The following IMPG2 variants were observed in gnomAD, a reference collection of about 807,000 sequenced individuals.
IMPG2 encodes interphotoreceptor matrix proteoglycan 2.
IMPG2 carries 91 observed loss-of-function variants against 129.2 expected under a neutral mutation model. The observed-to-expected ratio is 0.70, with a 90% confidence interval of 0.59 to 0.84. The LOEUF is 0.84. IMPG2 is among the 40% of genes least tolerant of loss of function. The pLI is 0.00. For missense variants in IMPG2, 1,430 were observed against 1,461.7 expected, an observed-to-expected ratio of 0.98 and a Z score of 0.35; for synonymous variants, 510 against 517.7, an observed-to-expected ratio of 0.99 and a Z score of 0.20.
intron 9 of IMPG2, among the ~76,000 whole-genome samples, chr3:101,259,652 A>C (rs1247750817): frequency 6.6e-6 from 1 of 151,836 alleles, no homozygotes; most frequent in African/African-American, 2.4e-5. Context: ...GGAAAGTATC[A>C]ACATAATAAG....
At position 101,304,264 on chromosome 3, in the gene IMPG2, A is replaced by C; in HGVS notation, c.383T>G (p.Leu128Arg). 6.2e-7 allele frequency: 1 copy of C among 1,613,952 alleles called. No individual in the cohort carries two copies. Among genetic ancestry groups the C allele is most frequent in the South Asian group, 1.1e-5 (1 of 91,080 alleles). ...WEAFRTFWDR[L>R]PGREEYHYWM... ...GTAATGATATTCCTCACGCCCAGGA[A>C]GTCGATCCCAAAAAGTCCTGAAGGC... The change falls in exon 3 of 19, where the codon CTT becomes CGT. Residue 128 changes from leucine to arginine, a missense_variant. Transcript: ENST00000193391.
chr3:101,308,055 C>A (rs1460548224), intron 2 of IMPG2, among the ~76,000 whole-genome samples: 3 of 152,366 alleles, frequency 2.0e-5, no homozygotes, highest in African/African-American at 7.2e-5. Flanking sequence ...ACATCCATGT[C>A]ACACTGATGT....
chr3:101,318,414 A>T, intron 2 of IMPG2, among the ~76,000 whole-genome samples: 1 of 152,080 alleles, frequency 6.6e-6, no homozygotes, highest in Admixed American at 6.6e-5. Flanking sequence ...ATCAAGAAAT[A>T]GAAATACACT....
intron 16 of IMPG2, among the ~76,000 whole-genome samples, 163 bp from the exon 17 acceptor site, chr3:101,229,753 T>C (rs1706266724): frequency 6.6e-6 from 1 of 152,146 alleles, no homozygotes; most frequent in Non-Finnish European, 1.5e-5. Flanking sequence ...AAAAATTATT[T>C]GTCAGGTGTT....
intron 2 of IMPG2, among the ~76,000 whole-genome samples, chr3:101,310,719 C>A (rs981286770): frequency 1.3e-5 from 2 of 152,042 alleles, no homozygotes; most frequent in Non-Finnish European, 2.9e-5. Context: ...TTCATAAAAT[C>A]TTAGAAAAAC....
At chr3:101,260,953 A>AATTT (rs1489886944) in intron 9 of IMPG2, among the ~76,000 whole-genome samples, 1 of 152,182 alleles carries the variant, frequency 6.6e-6, no homozygotes, top group Non-Finnish European at 1.5e-5. Context: ...AAGACAATTG[A>AATTT]ATTTATGCCA....
intron 14 of IMPG2, among the ~76,000 whole-genome samples, chr3:101,234,170 C>A (rs947588574): frequency 7.2e-6 from 1 of 139,742 alleles, no homozygotes; most frequent in African/African-American, 2.7e-5. Flanking sequence ...TAAGAAGAGG[C>A]CATACGAGAT....
chr3:101,229,593 AAAAG>A lies in IMPG2; in HGVS notation c.3423-7_3423-4del, dbSNP rs534452999. 256 of 1,612,840 alleles carry A rather than the reference AAAAG, an allele frequency of 1.6e-4. No homozygotes were observed. The highest frequency in any genetic ancestry group is 2.0e-4 in the Non-Finnish European group (233 of 1,179,280). On this transcript the variant is annotated splice_region_variant and splice_polypyrimidine_tract_variant and intron_variant, in intron 16 of 18. Transcript: ENST00000193391. ...TGTCAGGCTGCCTGCTGGAGCCACT[AAAAG>A]AAAGATATGATGGATTCAGGCTCTT... is the stretch of plus-strand genomic sequence containing the variant.
chr3:101,244,046 T>C lies in IMPG2; in HGVS notation c.2285A>G (p.Glu762Gly), dbSNP rs765020532. ...CATATCTGGCTTTACCATTGAAACC[T>C]CACTGTCAAACCATTCATAGTTGGA... is the stretch of plus-strand genomic sequence containing the variant. ...ESSNYEWFDS[E>G]VSMVKPDMQT... Residue 762 changes from glutamate to glycine, a missense_variant, in exon 13 of 19, where the codon GAG becomes GGG. Glu to Gly is a moderately conservative substitution (Grantham distance 98, BLOSUM62 -2). Coordinates refer to ENST00000193391, the MANE Select transcript of IMPG2 (RefSeq NM_016247.4). 3.7e-6 allele frequency: 6 copies of C among 1,614,078 alleles called. No homozygotes were observed. The Admixed American group carries it at 1.0e-4, about 27-fold the overall frequency.
chr3:101,300,730 G>T (rs1208708182), intron 3 of IMPG2, among the ~76,000 whole-genome samples: 1 of 152,212 alleles, frequency 6.6e-6, no homozygotes, highest in African/African-American at 2.4e-5. Context: ...GCCAGTGCAG[G>T]ATTCACATGC....
chr3:101,256,936 G>C (rs186042077), intron 10 of IMPG2, among the ~76,000 whole-genome samples: 1 of 152,044 alleles, frequency 6.6e-6, no homozygotes, highest in African/African-American at 2.4e-5. Flanking sequence ...AGGTTGACTG[G>C]GCACCCTGTA....
At chr3:101,282,966 G>A (rs1312106256) in intron 4 of IMPG2, among the ~76,000 whole-genome samples, 1 of 152,152 alleles carries the variant, frequency 6.6e-6, no homozygotes, top group Non-Finnish European at 1.5e-5. Flanking sequence ...TATGGTATTT[G>A]TGTATTTCTT....
Position 101,244,255 on chromosome 3 carries a change from A to G in IMPG2, c.2076T>C (p.Asp692=), listed in dbSNP as rs1345033525. The G allele has an allele frequency of 6.2e-6, 10 of 1,613,926 alleles. No homozygotes were observed. The South Asian group carries it at 7.7e-5, about 12-fold the overall frequency. Reference sequence around the variant, plus strand: ...TTAGAGACGCAGATTCAGCTGCAGTATCTGCGAAGATGGGCACAGCAGGCC... The same window carrying G: ...TTAGAGACGCAGATTCAGCTGCAGTGTCTGCGAAGATGGGCACAGCAGGCC... ...LSGPAVPIFA[D]TAAESASLTL... is the part of the protein sequence containing the mutation. The change falls in exon 13 of 19, where the codon GAT becomes GAC. Residue 692 remains aspartate (D), a synonymous_variant. Coordinates refer to ENST00000193391, the MANE Select transcript of IMPG2 (RefSeq NM_016247.4).
intron 10 of IMPG2, among the ~76,000 whole-genome samples, chr3:101,256,224 AT>A (rs753289218): frequency 6.6e-6 from 1 of 150,998 alleles, no homozygotes; most frequent in Non-Finnish European, 1.5e-5. Context: ...AAAGAAAAAA[AT>A]ATCTTATTTG....
In IMPG2 at chr3:101,319,778, A is replaced by G. The variant is rs761603550; in HGVS notation, c.140T>C (p.Phe47Ser). 2 of 1,613,432 alleles carry G rather than the reference A, an allele frequency of 1.2e-6. No individual in the cohort carries two copies. Among genetic ancestry groups the G allele is most frequent in the Non-Finnish European group, 1.7e-6 (2 of 1,179,714 alleles). Residue 47 changes from phenylalanine (F) to serine (S), a missense_variant, in exon 2 of 19, where the codon TTT becomes TCT. Transcript: ENST00000193391. ...GTCTGTTGATTCTTCAGGCAGGAGA[A>G]AAGAAACTGCACTCTTGGGTTCTTG... Reference protein sequence around the residue: ...EIQEPKSAVSFLLPEESTDLS... With the variant: ...EIQEPKSAVSSLLPEESTDLS...
At chr3:101,252,045 G>T (rs1275453991) in intron 11 of IMPG2, among the ~76,000 whole-genome samples, 2 of 152,044 alleles carry the variant, frequency 1.3e-5, no homozygotes, top group African/African-American at 4.8e-5. Context: ...AAAAAGAAAG[G>T]AGTTGGCGTC....
Position 101,258,222 on chromosome 3 carries a change from G to C in IMPG2, c.909-449C>G, listed in dbSNP as rs987834689. ...TAGACAAATTATGTACTGGAACATA[G>C]TTATTTATTGTGGTAGGAAAATTAT... On this transcript the variant is annotated intron_variant, in intron 9 of 18. Coordinates refer to ENST00000193391, the MANE Select transcript of IMPG2 (RefSeq NM_016247.4). Among the ~76,000 whole-genome samples, 3 of 152,030 alleles carry C rather than the reference G, an allele frequency of 2.0e-5. No homozygotes were observed. The East Asian group carries it at 5.8e-4, about 29-fold the overall frequency.
chr3:101,318,587 G>A (rs566809996), intron 2 of IMPG2, among the ~76,000 whole-genome samples: 1 of 152,294 alleles, frequency 6.6e-6, no homozygotes, highest in South Asian at 2.1e-4. Context: ...AGATAAAGTA[G>A]CAGCTCAGAC....
chr3:101,228,149 T>C (rs1706243838), intron 18 of IMPG2, among the ~76,000 whole-genome samples: 1 of 152,202 alleles, frequency 6.6e-6, no homozygotes, highest in Non-Finnish European at 1.5e-5. Context: ...AACCTATGTC[T>C]AGTTATGGAT....
Sources: allele counts gnomAD v4.1 joint callset (sites outside exome capture counted in the v4.1 genomes callset), GRCh38; gene constraint gnomAD v4.1.1; transcripts MANE v1.5; gene names NCBI Gene and HGNC (gene_info 2026-07-23, HGNC 2026-07-21).